TRAPPC9: variants seen among roughly 807,000 people sequenced by gnomAD.
TRAPPC9 encodes IKK2 binding protein.
TRAPPC9 carries 83 observed loss-of-function variants against 124.0 expected under a neutral mutation model. The ratio of observed to expected loss-of-function variants is 0.67; its 90% confidence interval spans 0.56 to 0.80. The LOEUF (loss-of-function observed/expected upper bound fraction) is 0.80. Ranked by LOEUF, TRAPPC9 falls within the 30% of genes least tolerant of loss-of-function variation. TRAPPC9 has a pLI of 0.00. For missense variants in TRAPPC9, 1,302 were observed against 1,508.3 expected (o/e 0.86, Z 2.27); for synonymous variants, 638 against 617.5 (o/e 1.03, Z -0.49).
At chr8:139,993,079 G>A (rs1175103980) in intron 18 of TRAPPC9, among the ~76,000 whole-genome samples, 3 of 152,090 alleles carry the variant, frequency 2.0e-5, no homozygotes, top group African/African-American at 4.8e-5. Context: ...AAGAATTTTG[G>A]TACAATGAAA....
rs1445783722 is a variant in TRAPPC9, at chr8:139,907,240, G to A, written c.2964+2907C>T. On this transcript the variant is annotated intron_variant, in intron 20 of 22. Coordinates refer to ENST00000438773, the MANE Select transcript of TRAPPC9 (RefSeq NM_001160372.4). This position sits in a 1 kb window ranked among gnomAD's most constrained non-coding sequence, Gnocchi z 4.7. ...GCTGCTTCATAGACAGGTGTGCATC[G>A]ACCCAGTGCAAGATCCCCAATTTCC... Among the ~76,000 whole-genome samples the A allele has an allele frequency of 6.6e-6, 1 of 152,212 alleles. No individual in the cohort carries two copies. Among genetic ancestry groups the A allele is most frequent in the Non-Finnish European group, 1.5e-5 (1 of 68,014 alleles).
At chr8:140,313,588 A>G (rs1177202446) in intron 9 of TRAPPC9, among the ~76,000 whole-genome samples, 1 of 152,090 alleles carries the variant, frequency 6.6e-6, no homozygotes, top group Non-Finnish European at 1.5e-5. Flanking sequence ...CCTGGCTGTG[A>G]GCACTCTCAG....
intron 17 of TRAPPC9, among the ~76,000 whole-genome samples, chr8:140,193,500 G>A (rs1227201713): frequency 6.6e-6 from 1 of 151,552 alleles, no homozygotes; most frequent in Non-Finnish European, 1.5e-5. Flanking sequence ...ACATATACTA[G>A]CACAAACTGT....
chr8:140,360,704 C>T lies in TRAPPC9; in HGVS notation c.1352-511G>A, dbSNP rs560704225. Among the ~76,000 whole-genome samples, 126 of 152,060 alleles carry T rather than the reference C, an allele frequency of 8.3e-4. 1 individual carries two copies. The highest frequency in any genetic ancestry group is 2.9e-3 in the African/African-American group (119 of 41,492). On this transcript the variant is annotated intron_variant, in intron 8 of 22. Coordinates refer to ENST00000438773, the MANE Select transcript of TRAPPC9 (RefSeq NM_001160372.4). ...CAGTTTAGCATCTTTGAATTAAAGA[C>T]GGAGAAATCTGGATGCACAGACAGT...
At chr8:140,014,244 TAGAA>T (rs1290552488) in intron 18 of TRAPPC9, among the ~76,000 whole-genome samples, 1 of 152,096 alleles carries the variant, frequency 6.6e-6, no homozygotes, top group Non-Finnish European at 1.5e-5. Context: ...TGTAACAGGC[TAGAA>T]AGAAATTGCT....
chr8:140,423,368 A>G (rs2070290047), intron 5 of TRAPPC9, among the ~76,000 whole-genome samples: 1 of 152,050 alleles, frequency 6.6e-6, no homozygotes, highest in Non-Finnish European at 1.5e-5. Flanking sequence ...TGAACCCAGG[A>G]GGCGGAGGTT....
intron 9 of TRAPPC9, among the ~76,000 whole-genome samples, chr8:140,316,096 A>T (rs2131910334): frequency 6.6e-6 from 1 of 152,264 alleles, no homozygotes; most frequent in Admixed American, 6.5e-5. Flanking sequence ...AAACTCTACC[A>T]GGTGCTGTTG....
chr8:139,766,649 C>T (rs1437240924), intron 21 of TRAPPC9, among the ~76,000 whole-genome samples: 2 of 152,186 alleles, frequency 1.3e-5, no homozygotes, highest in Non-Finnish European at 1.5e-5. Context: ...ACCGGCATCA[C>T]GTGGGGACTC....
intron 21 of TRAPPC9, among the ~76,000 whole-genome samples, chr8:139,768,938 GACAC>G (rs1295947614): frequency 2.0e-5 from 3 of 152,326 alleles, no homozygotes; most frequent in African/African-American, 7.2e-5. Context: ...GATTAAAACA[GACAC>G]ACACAGAGGG....
At chr8:140,224,655 A>G (rs1257808124) in intron 16 of TRAPPC9, among the ~76,000 whole-genome samples, 2 of 152,110 alleles carry the variant, frequency 1.3e-5, no homozygotes, top group Non-Finnish European at 2.9e-5. Context: ...ACCAGAATTT[A>G]TTCCTTGTCA....
chr8:140,457,779 G>A, upstream of TRAPPC9: 2 of 1,003,478 alleles, frequency 2.0e-6, no homozygotes, highest in African/African-American at 1.7e-5. Context: ...GCGCGTGCGC[G>A]GAGGCCAGGC....
intron 17 of TRAPPC9, among the ~76,000 whole-genome samples, chr8:140,079,425 A>T (rs939800091): frequency 6.6e-6 from 1 of 152,104 alleles, no homozygotes; most frequent in Non-Finnish European, 1.5e-5. Context: ...GCCCCAGAGA[A>T]GTAAGATAAC....
At chr8:140,174,470 T>C (rs924512150) in intron 17 of TRAPPC9, among the ~76,000 whole-genome samples, 1 of 152,242 alleles carries the variant, frequency 6.6e-6, no homozygotes, top group Non-Finnish European at 1.5e-5. Flanking sequence ...ACTTTTAGTA[T>C]ATTCACAGAA....
At chr8:140,393,811 CTT>C (rs1381523763) in intron 7 of TRAPPC9, among the ~76,000 whole-genome samples, 1 of 152,200 alleles carries the variant, frequency 6.6e-6, no homozygotes, top group African/African-American at 2.4e-5. Context: ...ACAGACCCCT[CTT>C]CTTTATTGTT....
rs112412406 is a variant in TRAPPC9 at position 140,042,016 on chromosome 8, A to G, written c.2557-17937T>C. ...GCTTCTTATCAATGAAAGAAGCACA[A>G]CAAATCAATATTCAGGACAATTGGG... On this transcript the variant is annotated intron_variant, in intron 17 of 22. Coordinates refer to ENST00000438773, the MANE Select transcript of TRAPPC9 (RefSeq NM_001160372.4). Among the ~76,000 whole-genome samples the G allele has an allele frequency of 4.6e-3, 702 of 152,324 alleles. 7 individuals are homozygous for G. Among genetic ancestry groups the G allele is most frequent in the African/African-American group, 0.016 (673 of 41,560 alleles).
chr8:140,219,104 T>A (rs1385778568), intron 17 of TRAPPC9, among the ~76,000 whole-genome samples: 1 of 152,098 alleles, frequency 6.6e-6, no homozygotes, highest in Non-Finnish European at 1.5e-5. Flanking sequence ...AGCCAGTGAA[T>A]GAAAGAGCAC....
intron 1 of TRAPPC9, among the ~76,000 whole-genome samples, chr8:140,454,316 A>T (rs1291840695): frequency 6.6e-6 from 1 of 151,676 alleles, no homozygotes; most frequent in East Asian, 1.9e-4. Context: ...AAAATGATTT[A>T]AAAATAAAAA....
intron 21 of TRAPPC9, among the ~76,000 whole-genome samples, chr8:139,880,921 G>A (rs905209351): frequency 5.9e-5 from 9 of 152,214 alleles, no homozygotes; most frequent in Non-Finnish European, 1.3e-4. Flanking sequence ...CTCACTGCCG[G>A]GGCTCCCACA....
intron 9 of TRAPPC9, among the ~76,000 whole-genome samples, chr8:140,343,280 T>C (rs568004820): frequency 6.6e-6 from 1 of 152,346 alleles, no homozygotes; most frequent in Admixed American, 6.5e-5. Flanking sequence ...ACCCTCACTC[T>C]CCAAGGATGA....
Sources: gnomAD v4.1 joint callset for allele counts (sites outside exome capture counted in the v4.1 genomes callset) on GRCh38, gnomAD v4.1.1 for gene constraint, Gnocchi (gnomAD v3.1) non-coding constraint, MANE v1.5 for transcripts, NCBI Gene and HGNC (gene_info 2026-07-23, HGNC 2026-07-21) for gene names.